SUMF1: variants seen among roughly 807,000 people sequenced by gnomAD.
The protein encoded by SUMF1 is formylglycine-generating enzyme.
In SUMF1, 48 loss-of-function variants were observed where a neutral mutation model predicts 47.6. The observed-to-expected ratio is 1.01, with a 90% CI of 0.80 to 1.28. The LOEUF is 1.28. Among genes scored for constraint, SUMF1 ranks in the 50% most tolerant of loss-of-function variants. The pLI is 0.00. For synonymous variants in SUMF1, 230 were observed against 192.1 expected (o/e 1.20, Z -1.63); for missense variants, 571 against 485.4 (o/e 1.18, Z -1.66).
At chr3:4,053,326 T>C (rs1411638245) in intron 9 of SUMF1, among the ~76,000 whole-genome samples, 1 of 152,038 alleles carries the variant, frequency 6.6e-6, no homozygotes, top group Non-Finnish European at 1.5e-5. Context: ...AATAGTAACA[T>C]CAAAGATCAA....
chr3:4,362,497 C>G (rs1001839524), intron 8 of SUMF1, among the ~76,000 whole-genome samples: 3 of 152,090 alleles, frequency 2.0e-5, no homozygotes, highest in African/African-American at 7.2e-5. Flanking sequence ...TTAGATATAA[C>G]AGCAAAAAAG....
chr3:4,443,106 T>C (rs932998653), intron 3 of SUMF1, among the ~76,000 whole-genome samples: 1 of 151,764 alleles, frequency 6.6e-6, no homozygotes, highest in African/African-American at 2.4e-5. Context: ...CAAAACCCTG[T>C]CTCTGTTAAA....
At chr3:4,093,625 A>C (rs767343270) in intron 8 of SUMF1, among the ~76,000 whole-genome samples, 7 of 152,140 alleles carry the variant, frequency 4.6e-5, no homozygotes, top group Non-Finnish European at 8.8e-5. Context: ...ACAATCTAAG[A>C]ATTGCAAATG....
intron 3 of SUMF1, among the ~76,000 whole-genome samples, chr3:4,427,266 T>C (rs1702098343): frequency 6.6e-6 from 1 of 152,186 alleles, no homozygotes; most frequent in Admixed American, 6.5e-5. Flanking sequence ...AAGATGGACG[T>C]TTCTTGAAAC....
chr3:4,073,957 A>G (rs990297137), intron 8 of SUMF1, among the ~76,000 whole-genome samples: 2 of 152,226 alleles, frequency 1.3e-5, no homozygotes, highest in African/African-American at 4.8e-5. Context: ...AAGGATATCC[A>G]GGACTTGAAA....
intron 8 of SUMF1, among the ~76,000 whole-genome samples, chr3:4,143,106 G>A (rs543110625): frequency 3.9e-4 from 60 of 152,222 alleles, no homozygotes; most frequent in African/African-American, 1.3e-3. Context: ...GCTGGTAGAG[G>A]GGAAGAATGT....
intron 8 of SUMF1, among the ~76,000 whole-genome samples, chr3:4,350,955 A>T (rs58509958): frequency 0.014 from 2,114 of 152,046 alleles, 52 homozygotes; most frequent in African/African-American, 0.048. Flanking sequence ...AAAAAAAAAA[A>T]TCAAACCAAT....
intron 1 of SUMF1, among the ~76,000 whole-genome samples, chr3:4,461,119 AT>A (rs2079804928): frequency 6.6e-6 from 1 of 152,346 alleles, no homozygotes; most frequent in Admixed American, 6.5e-5. Flanking sequence ...GTAATGAGGA[AT>A]TTATCATTTG....
intron 1 of SUMF1, among the ~76,000 whole-genome samples, chr3:4,454,959 T>C (rs909648088): frequency 7.9e-5 from 12 of 152,226 alleles, no homozygotes; most frequent in African/African-American, 1.4e-4. Flanking sequence ...GCATAGAGTT[T>C]CTTCTTGAGA....
intron 8 of SUMF1, among the ~76,000 whole-genome samples, chr3:4,367,110 G>A (rs1301076814): frequency 1.3e-5 from 2 of 152,032 alleles, no homozygotes; most frequent in Non-Finnish European, 2.9e-5. Context: ...GGCCGTGTGA[G>A]GTGTCAGTCT....
At chr3:4,387,115 G>C (rs11713342) in intron 7 of SUMF1, among the ~76,000 whole-genome samples, 13,393 of 151,954 alleles carry the variant, frequency 0.088, 787 homozygotes, top group Middle Eastern at 0.14. Context: ...TTCGTAAAAT[G>C]ATTAGAAAGT....
At chr3:4,100,082 G>A (rs1022396097) in intron 8 of SUMF1, among the ~76,000 whole-genome samples, 1 of 149,856 alleles carries the variant, frequency 6.7e-6, no homozygotes, top group African/African-American at 2.4e-5. Context: ...CCTTGGATTG[G>A]AAGAATTCAT....
intron 8 of SUMF1, among the ~76,000 whole-genome samples, chr3:4,229,700 A>G (rs1243968176): frequency 6.6e-6 from 1 of 152,126 alleles, no homozygotes; most frequent in Non-Finnish European, 1.5e-5. Context: ...AGATACATTA[A>G]AAATTATTAA....
intron 8 of SUMF1, among the ~76,000 whole-genome samples, chr3:4,082,846 T>C (rs2125046512): frequency 6.6e-6 from 1 of 152,186 alleles, no homozygotes; most frequent in Middle Eastern, 3.4e-3. Flanking sequence ...TCTCAGGCAA[T>C]CAAAACAGGC....
At chr3:4,273,031 G>A (rs1697333681) in intron 8 of SUMF1, among the ~76,000 whole-genome samples, 1 of 151,640 alleles carries the variant, frequency 6.6e-6, no homozygotes, top group Non-Finnish European at 1.5e-5. Flanking sequence ...TGCAACTCCA[G>A]CCTGGGTGAC....
chr3:4,311,457 A>C (rs941898868), intron 8 of SUMF1, among the ~76,000 whole-genome samples: 1 of 152,200 alleles, frequency 6.6e-6, no homozygotes, highest in Non-Finnish European at 1.5e-5. Flanking sequence ...GGATCCCAGC[A>C]GCCTTTACTG....
At chr3:4,351,315 G>A (rs991225940) in intron 8 of SUMF1, among the ~76,000 whole-genome samples, 2 of 152,150 alleles carry the variant, frequency 1.3e-5, no homozygotes, top group African/African-American at 2.4e-5. Context: ...GAGTCTTAAC[G>A]AAACAATACC....
Position 4,174,208 on chromosome 3 carries a change from T to G in SUMF1, c.1015-105463A>C, listed in dbSNP as rs141327092. Among the ~76,000 whole-genome samples the G allele has an allele frequency of 1.1e-3, 165 of 151,334 alleles. 1 individual carries two copies. The highest frequency in any genetic ancestry group is 3.7e-3 in the African/African-American group (153 of 41,186). Reference sequence around the variant, plus strand: ...CGTCTCTACTAAAAATACAAAAAATTAGCCAGGCATGGTGGCAGGCACCTG... The same window carrying G: ...CGTCTCTACTAAAAATACAAAAAATGAGCCAGGCATGGTGGCAGGCACCTG... On this transcript the variant is annotated intron_variant and NMD_transcript_variant, in intron 8 of 12. Coordinates refer to the SUMF1 transcript ENST00000448413.
chr3:4,333,048 A>T (rs1274995886), intron 8 of SUMF1, among the ~76,000 whole-genome samples: 1 of 152,136 alleles, frequency 6.6e-6, no homozygotes, highest in African/African-American at 2.4e-5. Context: ...CCAGCTCCCC[A>T]TCCATCCTGC....
Sources: gnomAD v4.1 joint callset for allele counts (sites outside exome capture counted in the v4.1 genomes callset) on GRCh38, gnomAD v4.1.1 for gene constraint, MANE v1.5 for transcripts, NCBI Gene and HGNC (gene_info 2026-07-23, HGNC 2026-07-21) for gene names.